ASAH2B: variants seen among roughly 807,000 people sequenced by gnomAD.
The protein encoded by ASAH2B is putative inactive neutral ceramidase B.
Under a neutral mutation model 2.9 loss-of-function variants are expected in ASAH2B, and 1 was observed. That is an observed-to-expected ratio of 0.34 (90% confidence interval 0.12 to 1.63). The LOEUF (loss-of-function observed/expected upper bound fraction) is 1.63, where lower values mean the gene tolerates loss of function less well. Among genes scored for constraint, ASAH2B ranks in the 40% most tolerant of loss-of-function variants. ASAH2B has a pLI of 0.36. For missense variants in ASAH2B, 9 were observed against 37.7 expected, an observed-to-expected ratio of 0.24 and a Z score of 1.99; for synonymous variants, 4 against 13.3, an observed-to-expected ratio of 0.30 and a Z score of 1.52.
At chr10:50,741,459 A>G (rs1218484545) in intron 1 of ASAH2B, among the ~76,000 whole-genome samples, 2 of 152,248 alleles carry the variant, frequency 1.3e-5, no homozygotes, top group Admixed American at 1.3e-4. Flanking sequence ...AAAGGCATGC[A>G]CAAGGTGTTA....
chr10:50,744,221 A>G (rs1362413583), intron 2 of ASAH2B, among the ~76,000 whole-genome samples: 2 of 151,632 alleles, frequency 1.3e-5, no homozygotes, highest in African/African-American at 4.9e-5. Context: ...CTATGCTCAT[A>G]GGTCTATAGT....
intron 4 of ASAH2B, among the ~76,000 whole-genome samples, chr10:50,751,467 T>C (rs1839977182): frequency 1.3e-5 from 2 of 150,126 alleles, no homozygotes; most frequent in Non-Finnish European, 3.0e-5. Flanking sequence ...ACTCTAGACA[T>C]ATTCAAAAAG....
At chr10:50,753,023 G>A (rs1291801760) in intron 5 of ASAH2B, among the ~76,000 whole-genome samples, 2 of 133,094 alleles carry the variant, frequency 1.5e-5, no homozygotes, top group Non-Finnish European at 1.7e-5. Flanking sequence ...TAGAGGCTTG[G>A]GTGTTTAACT....
At chr10:50,741,514 T>G (rs2820733) in intron 1 of ASAH2B, among the ~76,000 whole-genome samples, 56 of 151,814 alleles carry the variant, frequency 3.7e-4, no homozygotes, top group Admixed American at 1.1e-3. Context: ...GGTATTTGAG[T>G]ACTGGGACTG....
At position 50,759,193 on chromosome 10, in the gene ASAH2B, C is replaced by G. The variant is rs1837153754; in HGVS notation, c.*4453C>G. The G allele has an allele frequency of 4.0e-5, 3 of 75,066 alleles. 1 individual carries two copies. The allele number at this position is 75,066 out of a possible 1,614,324, so 4.6% of individuals were successfully genotyped here. The stretch of plus-strand genomic sequence containing the variant: ...TATTAGCATTTTTCCCCCTTGACAT[C>G]AATGTCCTTGAATGTATTTGCCATT... On this transcript the variant is annotated 3_prime_UTR_variant, in exon 6 of 6. Transcript: ENST00000647317.
chr10:50,743,043 CGTGTGTGT>C, intron 2 of ASAH2B, 33 bp downstream of exon 2: 1 of 1,481,218 alleles, frequency 6.8e-7, no homozygotes, highest in Non-Finnish European at 9.1e-7. Context: ...TGCGTGCGTG[CGTGTGTGT>C]GTGTGTGTAT....
chr10:50,758,045 A>AG lies in ASAH2B; in HGVS notation c.*3307dup, dbSNP rs1837130211. On this transcript the variant is annotated 3_prime_UTR_variant, in exon 6 of 6. Coordinates refer to ENST00000647317, the MANE Select transcript of ASAH2B (RefSeq NM_001321958.2). The stretch of plus-strand genomic sequence containing the variant: ...GTTCTCTTTATAATCCCCTTTTAGA[A>AG]GGTGGAAAATAGTAAGAACACAAGT... 2.7e-5 allele frequency: 4 copies of AG among 150,828 alleles called. No individual in the cohort carries two copies. The highest frequency in any genetic ancestry group is 9.8e-5 in the African/African-American group (4 of 40,964). The allele number at this position is 150,828 out of a possible 1,614,324, so 9.3% of individuals were successfully genotyped here.
chr10:50,744,387 AT>A (rs1252263734), intron 2 of ASAH2B, among the ~76,000 whole-genome samples: 8 of 151,592 alleles, frequency 5.3e-5, no homozygotes, highest in African/African-American at 2.0e-4. Flanking sequence ...GTCTAAGCCT[AT>A]TTTCTCATTT....
At chr10:50,745,618 C>T (rs562366077) in intron 3 of ASAH2B, among the ~76,000 whole-genome samples, 2 of 146,472 alleles carry the variant, frequency 1.4e-5, no homozygotes, top group East Asian at 4.0e-4. Context: ...AATCTTGTGT[C>T]CTGAAAGCTT....
intron 5 of ASAH2B, among the ~76,000 whole-genome samples, chr10:50,753,216 G>T (rs1839997734): frequency 7.6e-6 from 1 of 131,840 alleles, no homozygotes; most frequent in Non-Finnish European, 1.7e-5. Flanking sequence ...ACAGTGGCAT[G>T]GAAGTAGGTA....
chr10:50,753,069 C>T (rs1209909093), intron 5 of ASAH2B, among the ~76,000 whole-genome samples: 1 of 147,696 alleles, frequency 6.8e-6, no homozygotes, highest in Non-Finnish European at 1.5e-5. Flanking sequence ...TATATTCAGG[C>T]AATTTCTCCA....
rs1353383176 is a variant in ASAH2B, at chr10:50,758,843, G to A, written c.*4103G>A. ...CGGATGAACAGGTAATTACTGTACA[G>A]AGTGACCCATATTGTTATTGTTCAG... On this transcript the variant is annotated 3_prime_UTR_variant, in exon 6 of 6. Coordinates refer to ENST00000647317, the MANE Select transcript of ASAH2B (RefSeq NM_001321958.2). The A allele has an allele frequency of 3.9e-5, 6 of 151,992 alleles. No individual in the cohort carries two copies. The highest frequency in any genetic ancestry group is 8.8e-5 in the Non-Finnish European group (6 of 67,910). 9.4% of individuals were successfully genotyped at this position (151,992 alleles called of 1,614,324 possible). A position where few individuals can be genotyped will look rare whatever the true frequency, so the allele number is the denominator to read the frequency against.
intron 2 of ASAH2B, among the ~76,000 whole-genome samples, chr10:50,744,915 A>T (rs1483480492): frequency 6.6e-6 from 1 of 150,796 alleles, no homozygotes; most frequent in Non-Finnish European, 1.5e-5. Flanking sequence ...TATGACCAAA[A>T]CTTTCTCCCA....
At chr10:50,743,963 T>C (rs1839870874) in intron 2 of ASAH2B, among the ~76,000 whole-genome samples, 1 of 150,132 alleles carries the variant, frequency 6.7e-6, no homozygotes, top group African/African-American at 2.5e-5. Flanking sequence ...GTATTATTAC[T>C]GATTGTGTGT....
At chr10:50,743,288 G>C (rs2942767) in intron 2 of ASAH2B, among the ~76,000 whole-genome samples, 2 of 151,572 alleles carry the variant, frequency 1.3e-5, no homozygotes, top group Admixed American at 1.3e-4. Context: ...TGTGAAATTA[G>C]GGAGATATCA....
intron 1 of ASAH2B, among the ~76,000 whole-genome samples, chr10:50,741,398 C>T (rs1044905839): frequency 6.6e-5 from 10 of 152,154 alleles, no homozygotes; most frequent in East Asian, 1.9e-4. Flanking sequence ...CACTGGAAGC[C>T]GGGGGTCTAG....
intron 1 of ASAH2B, among the ~76,000 whole-genome samples, chr10:50,742,107 A>G (rs551808242): frequency 6.6e-5 from 10 of 152,336 alleles, no homozygotes; most frequent in Admixed American, 5.2e-4. Flanking sequence ...CTGCACATGT[A>G]CCTCTGAACT....
intron 3 of ASAH2B, among the ~76,000 whole-genome samples, chr10:50,746,094 T>C (rs150737625): frequency 7.9e-5 from 12 of 151,514 alleles, no homozygotes; most frequent in African/African-American, 1.2e-4. Context: ...CTTATTCCCT[T>C]TGTCTAAATG....
rs1837100112 is a variant in ASAH2B at position 50,756,731 on chromosome 10, G to A, written c.*1991G>A. 6.6e-6 allele frequency: 1 copy of A among 151,938 alleles called. No homozygotes were observed. Among genetic ancestry groups the A allele is most frequent in the Non-Finnish European group, 1.5e-5 (1 of 67,874 alleles). The allele number at this position is 151,938 out of a possible 1,614,324, so 9.4% of individuals were successfully genotyped here. Reference sequence around the variant, plus strand: ...TTCTCACCAGCTGTCATTTCTTCTAGGGCATGCAGTTCTATGTTCACAGTT... The same window carrying A: ...TTCTCACCAGCTGTCATTTCTTCTAAGGCATGCAGTTCTATGTTCACAGTT... On this transcript the variant is annotated 3_prime_UTR_variant, in exon 6 of 6. Transcript: ENST00000647317.
Sources: allele counts gnomAD v4.1 joint callset (sites outside exome capture counted in the v4.1 genomes callset), GRCh38; gene constraint gnomAD v4.1.1; transcripts MANE v1.5; gene names NCBI Gene and HGNC (gene_info 2026-07-23, HGNC 2026-07-21).